Variants in TMEM25 observed in about 807,000 individuals in gnomAD.
TMEM25 encodes 0610039J01Rik.
TMEM25 carries 36 observed loss-of-function variants against 37.0 expected under a neutral mutation model. That is an observed-to-expected ratio of 0.97 (90% CI 0.75 to 1.28). The LOEUF (loss-of-function observed/expected upper bound fraction) is 1.28, where lower values mean the gene tolerates loss of function less well. TMEM25 is among the 50% of genes most tolerant of loss of function. The pLI is 0.00. For missense variants in TMEM25, 444 were observed against 477.9 expected (o/e 0.93, Z 0.66); for synonymous variants, 197 against 203.7 (o/e 0.97, Z 0.28).
At chr11:118,536,890 C>CGT (rs782323466), downstream of TMEM25, among the ~76,000 whole-genome samples, 4 of 152,144 alleles carry the variant, frequency 2.6e-5, no homozygotes, top group Admixed American at 2.6e-4. Context: ...CAAGAGAGCA[C>CGT]GTGTGTGTGT....
At position 118,534,276 on chromosome 11, in the gene TMEM25, A is replaced by G. The variant is rs782094750; in HGVS notation, c.948A>G (p.Pro316=). 2 of 1,614,182 alleles carry G rather than the reference A, an allele frequency of 1.2e-6. No homozygotes were observed. The highest frequency in any genetic ancestry group is 1.7e-6 in the Non-Finnish European group (2 of 1,180,014). Residue 316 remains proline, a synonymous_variant, in exon 8 of 9, where the codon CCA becomes CCG. Transcript: ENST00000313236. The surrounding 1 kb of genome is among the most constrained non-coding windows in gnomAD (Gnocchi z 4.6). ...DLTPDSRAVK[P]ADRQMAQNNS... is the part of the protein sequence containing the mutation. ...CTCTTTGTCAACCAGCAGTGAAACC[A>G]GCAGACCGGCAGATGGCTCAGAACA...
chr11:118,546,786 A>G (rs45623134), downstream of TMEM25: 3,152 of 152,648 alleles, frequency 0.021, 58 homozygotes, highest in Middle Eastern at 0.044. Flanking sequence ...TAACAGTTAT[A>G]TATGCATTAC....
Position 118,534,709 on chromosome 11 carries a change from C to G in TMEM25, c.*129C>G. 2.7e-6 allele frequency: 4 copies of G among 1,487,350 alleles called. No individual in the cohort carries two copies. Among genetic ancestry groups the G allele is most frequent in the Non-Finnish European group, 3.6e-6 (4 of 1,116,796 alleles). 92.1% of individuals were successfully genotyped at this position (1,487,350 alleles called of 1,614,324 possible). A position where few individuals can be genotyped will look rare whatever the true frequency, so the allele number is the denominator to read the frequency against. ...CTGCCACTTTTGCTTGCCCTCCTGGCTGGGGTGCCCTCCATGTCATGCACG... is the reference window on the plus strand; with the variant it reads ...CTGCCACTTTTGCTTGCCCTCCTGGGTGGGGTGCCCTCCATGTCATGCACG... On this transcript the variant is annotated 3_prime_UTR_variant, in exon 9 of 9. Transcript: ENST00000313236. This position sits in a 1 kb window ranked among gnomAD's most constrained non-coding sequence, Gnocchi z 4.6.
At chr11:118,540,235 C>G (rs1398904990), downstream of TMEM25, among the ~76,000 whole-genome samples, 2 of 151,854 alleles carry the variant, frequency 1.3e-5, no homozygotes, top group African/African-American at 4.8e-5. Flanking sequence ...TCAGCCTCCC[C>G]ACTAGCTGGG....
chr11:118,537,078 C>A (rs965861288), downstream of TMEM25, among the ~76,000 whole-genome samples: 3 of 152,088 alleles, frequency 2.0e-5, no homozygotes, highest in Non-Finnish European at 1.5e-5. Flanking sequence ...TGGTGGCTCA[C>A]GCCTGTAATC....
In TMEM25 at chr11:118,534,255, T is replaced by C. The variant is rs1555061783; in HGVS notation, c.938-11T>C. The C allele has an allele frequency of 6.2e-7, 1 of 1,614,222 alleles. No homozygotes were observed. The highest frequency in any genetic ancestry group is 2.2e-5 in the East Asian group (1 of 44,890). ...CTCCTCGTCCTGAACACTGCCCTCTTTGTCAACCAGCAGTGAAACCAGCAG... is the reference window on the plus strand; with the variant it reads ...CTCCTCGTCCTGAACACTGCCCTCTCTGTCAACCAGCAGTGAAACCAGCAG... On this transcript the variant is annotated splice_polypyrimidine_tract_variant and intron_variant, in intron 7 of 8. Transcript: ENST00000313236. This position sits in a 1 kb window ranked among gnomAD's most constrained non-coding sequence, Gnocchi z 4.6.
At chr11:118,538,206 C>G (rs1951535529), downstream of TMEM25, among the ~76,000 whole-genome samples, 1 of 152,110 alleles carries the variant, frequency 6.6e-6, no homozygotes, top group African/African-American at 2.4e-5. Context: ...GAGTCTTGCT[C>G]TGTCACCCAG....
chr11:118,535,938 C>T (rs1951501871), downstream of TMEM25: 4 of 787,858 alleles, frequency 5.1e-6, no homozygotes, highest in South Asian at 5.4e-5. Flanking sequence ...AGTGCAGCGG[C>T]GCGATCTTGG....
downstream of TMEM25, among the ~76,000 whole-genome samples, chr11:118,536,344 C>T (rs1270748980): frequency 2.6e-5 from 4 of 152,004 alleles, no homozygotes; most frequent in African/African-American, 4.8e-5. Flanking sequence ...CAGGCATGCA[C>T]CACCATGCCC....
intron 5 of TMEM25, 120 bp downstream of exon 5, chr11:118,533,671 G>A (rs1442006598): frequency 1.3e-6 from 2 of 1,588,890 alleles, no homozygotes; most frequent in Non-Finnish European, 1.7e-6. Context: ...CCAGGGGGTG[G>A]CCATGGGTAC....
rs1405122391 is a variant in TMEM25, at chr11:118,535,261, A to G, written c.*681A>G. 1.7e-6 allele frequency: 2 copies of G among 1,210,414 alleles called. No homozygotes were observed. The highest frequency in any genetic ancestry group is 2.1e-6 in the Non-Finnish European group (2 of 971,788). 75.0% of individuals were successfully genotyped at this position (1,210,414 alleles called of 1,614,324 possible). On this transcript the variant is annotated 3_prime_UTR_variant, in exon 9 of 9. Transcript: ENST00000313236. ...ACTTCACTGGGCACTAGACTTTTCT[A>G]TTGGCCTGTGCCATCGCCCAGTATT...
intron 8 of TMEM25, among the ~76,000 whole-genome samples, chr11:118,540,954 G>A (rs181842923): frequency 2.8e-4 from 42 of 152,168 alleles, no homozygotes; most frequent in Non-Finnish European, 5.0e-4. Context: ...CTGGGGGGAG[G>A]GCAGAATGGG....
At position 118,544,884 on chromosome 11, in the gene TMEM25, C is replaced by T. The variant is rs782488831; in HGVS notation, c.1028-1235C>T. On this transcript the variant is annotated intron_variant, in intron 8 of 8. Coordinates refer to the TMEM25 transcript ENST00000354284. Reference sequence around the variant, plus strand: ...ATCTCAGCTGGGGCAGAGGGGCCAGCTCAGCCTTGAAACAGCAGCTTGGGA... The same window carrying T: ...ATCTCAGCTGGGGCAGAGGGGCCAGTTCAGCCTTGAAACAGCAGCTTGGGA... 5 of 1,508,516 alleles carry T rather than the reference C, an allele frequency of 3.3e-6. No homozygotes were observed. In the African/African-American group the frequency reaches 5.5e-5, roughly 17 times the overall value. 93.4% of individuals were successfully genotyped at this position (1,508,516 alleles called of 1,614,324 possible).
chr11:118,545,797 G>C, intron 8 of TMEM25: 1 of 1,614,104 alleles, frequency 6.2e-7, no homozygotes, highest in Non-Finnish European at 8.5e-7. Flanking sequence ...ACTCACCACA[G>C]ATCATGTCAA....
chr11:118,533,098 C>T lies in TMEM25; in HGVS notation c.564C>T (p.Pro188=), dbSNP rs1951369211. ...TGGTGCTGGATGCGCAGAACTACCC[C>T]TGGCTCACCAACCACACGGTGCAGC... ...DFLVLDAQNY[P]WLTNHTVQLQ... The change falls in exon 4 of 9, where the codon CCC becomes CCT. Residue 188 remains proline, a synonymous_variant. Coordinates refer to ENST00000313236, the MANE Select transcript of TMEM25 (RefSeq NM_032780.4). 1 of 1,613,792 alleles carries T rather than the reference C, an allele frequency of 6.2e-7. No individual in the cohort carries two copies. The highest frequency in any genetic ancestry group is 1.7e-5 in the Admixed American group (1 of 59,994).
chr11:118,532,712 G>C, intron 3 of TMEM25: 1 of 806,694 alleles, frequency 1.2e-6, no homozygotes, highest in Admixed American at 2.9e-5. Flanking sequence ...AGCAGAGCCA[G>C]GATTCACATC....
At chr11:118,545,566 C>G in intron 8 of TMEM25, 1 of 1,319,990 alleles carries the variant, frequency 7.6e-7, no homozygotes, top group Non-Finnish European at 1.1e-6. Flanking sequence ...CTGTCTAGCA[C>G]AGGCAAAGCC....
At chr11:118,533,646 G>A (rs529835211) in intron 5 of TMEM25, 95 bp downstream of exon 5, 21 of 1,601,792 alleles carry the variant, frequency 1.3e-5, no homozygotes, top group African/African-American at 6.7e-5. Context: ...CATCTCTGAC[G>A]GTGGCAGAGC....
At chr11:118,535,917 G>A (rs1020057336), downstream of TMEM25, 39 of 933,818 alleles carry the variant, frequency 4.2e-5, no homozygotes, top group East Asian at 1.0e-4. Flanking sequence ...TCACTCTGTC[G>A]CCCAGGCTGG....
Sources: allele counts gnomAD v4.1 joint callset (sites outside exome capture counted in the v4.1 genomes callset), GRCh38; gene constraint gnomAD v4.1.1; non-coding constraint Gnocchi (gnomAD v3.1); transcripts MANE v1.5; gene names NCBI Gene and HGNC (gene_info 2026-07-23, HGNC 2026-07-21).